The following NOXA1 variants were observed in gnomAD, a reference collection of about 807,000 sequenced individuals.
NOXA1 encodes the protein NCF2-like protein.
A neutral mutation model predicts 64.8 loss-of-function variants in NOXA1; 56 were observed. The ratio of observed to expected loss-of-function variants is 0.86; its 90% confidence interval spans 0.70 to 1.08. The LOEUF is 1.08. Among genes scored for constraint, NOXA1 ranks in the 50% least tolerant of loss-of-function variants. NOXA1 has a pLI of 0.00. For missense variants in NOXA1, 668 were observed against 658.5 expected (o/e 1.01, Z -0.16); for synonymous variants, 295 against 294.8 (o/e 1.00, Z -0.01).
chr9:137,431,149 C>A lies in NOXA1; in HGVS notation c.698+49C>A. ...GCGAGCGCGTGCCTTTCCTGCTGGG[C>A]AGAGGCCCTCCACATGGGGCCACGC... On this transcript the variant is annotated intron_variant, in intron 7 of 13. Transcript: ENST00000683555. This position sits in a 1 kb window ranked among gnomAD's most constrained non-coding sequence, Gnocchi z 5.6. The A allele has an allele frequency of 2.5e-6, 4 of 1,612,262 alleles. No homozygotes were observed. The highest frequency in any genetic ancestry group is 3.4e-6 in the Non-Finnish European group (4 of 1,179,484).
Position 137,430,813 on chromosome 9 carries a change from G to C in NOXA1, c.642G>C (p.Gln214His). 1.3e-6 allele frequency: 2 copies of C among 1,594,082 alleles called. No individual in the cohort carries two copies. The highest frequency in any genetic ancestry group is 1.1e-5 in the South Asian group (1 of 90,202). Residue 214 changes from glutamine (Q) to histidine (H), a missense_variant, in exon 6 of 14, where the codon CAG becomes CAC. Gln to His is a conservative substitution (Grantham distance 24). Coordinates refer to ENST00000683555, the MANE Select transcript of NOXA1 (RefSeq NM_001256067.2). ...KVVASAIPDD[Q>H]GWGVRPQQPQ... The stretch of plus-strand genomic sequence containing the variant: ...TGGCCTCTGCCATCCCCGACGACCA[G>C]GGCTGGGGCGTCCGCCCTCAGCAGC...
At chr9:137,425,478 C>T (rs527702466) in intron 1 of NOXA1, among the ~76,000 whole-genome samples, 234 of 152,254 alleles carry the variant, frequency 1.5e-3, no homozygotes, top group Non-Finnish European at 2.6e-3. Context: ...CTCTACCTCC[C>T]GGGTTCAAGC....
chr9:137,429,212 G>A (rs899297430), intron 4 of NOXA1, 64 bp from the exon 5 acceptor site: 55 of 1,374,680 alleles, frequency 4.0e-5, no homozygotes, highest in Non-Finnish European at 5.3e-5. Context: ...AGGCACAGGG[G>A]CTCTGCGGCT....
Position 137,429,094 on chromosome 9 carries a change from A to G in NOXA1, c.504+78A>G, listed in dbSNP as rs1838973251. The G allele has an allele frequency of 2.8e-6, 4 of 1,448,054 alleles. No homozygotes were observed. The South Asian group carries it at 5.9e-5, about 21-fold the overall frequency. The allele number at this position is 1,448,054 out of a possible 1,614,324, so 89.7% of individuals were successfully genotyped here. A position where few individuals can be genotyped will look rare whatever the true frequency, so the allele number is the denominator to read the frequency against. On this transcript the variant is annotated intron_variant, in intron 4 of 13. Coordinates refer to ENST00000683555, the MANE Select transcript of NOXA1 (RefSeq NM_001256067.2). ...TCAAGACCAATTTCATGAGATGAAGAAGCTTCCGGAGGGAGATGGCCCTAG... is the reference window on the plus strand; with the variant it reads ...TCAAGACCAATTTCATGAGATGAAGGAGCTTCCGGAGGGAGATGGCCCTAG...
chr9:137,428,852 C>T, intron 3 of NOXA1, 30 bp from the exon 4 acceptor site: 1 of 1,548,976 alleles, frequency 6.5e-7, no homozygotes, highest in Non-Finnish European at 8.7e-7. Flanking sequence ...GGGCATCAGG[C>T]CCCTGCCATC....
At chr9:137,426,575 G>T (rs1838855129) in intron 2 of NOXA1, among the ~76,000 whole-genome samples, 2 of 152,130 alleles carry the variant, frequency 1.3e-5, no homozygotes, top group African/African-American at 4.8e-5. Flanking sequence ...CCTTCCTAAA[G>T]GAGGAATGAG....
rs377719415 is a variant in NOXA1, at chr9:137,433,007, C to A, written c.805-22C>A. On this transcript the variant is annotated intron_variant, in intron 8 of 13. Coordinates refer to ENST00000683555, the MANE Select transcript of NOXA1 (RefSeq NM_001256067.2). ...CCAGCACCTGACCGCCCCAGCCCAC[C>A]CAGCCTGTGCTTCTCTTGCAGAGGC... 31 of 1,612,028 alleles carry A rather than the reference C, an allele frequency of 1.9e-5. No homozygotes were observed. In the African/African-American group the frequency reaches 3.1e-4, roughly 16 times the overall value.
intron 8 of NOXA1, among the ~76,000 whole-genome samples, chr9:137,432,249 C>A (rs139022461): frequency 6.8e-6 from 1 of 147,338 alleles, no homozygotes; most frequent in Non-Finnish European, 1.5e-5. Flanking sequence ...CACTCCACTC[C>A]GGCCTGGGCA....
chr9:137,427,093 A>G (rs1470095415), intron 2 of NOXA1, among the ~76,000 whole-genome samples: 5 of 152,240 alleles, frequency 3.3e-5, no homozygotes, highest in African/African-American at 1.2e-4. Context: ...CACCTCGCCC[A>G]GCCTATTTAC....
rs1402623134 is a variant in NOXA1, at chr9:137,425,629, G to A, written c.178-619G>A. On this transcript the variant is annotated intron_variant, in intron 1 of 13. Coordinates refer to ENST00000683555, the MANE Select transcript of NOXA1 (RefSeq NM_001256067.2). ...TCAAACTCCTGACCTCAGGTGATCC[G>A]CCCACCTCAGCTTCCCAACATGCTA... Among the ~76,000 whole-genome samples, 10 of 152,232 alleles carry A rather than the reference G, an allele frequency of 6.6e-5. No individual in the cohort carries two copies. In the East Asian group the frequency reaches 1.9e-3, roughly 29 times the overall value.
intron 1 of NOXA1, among the ~76,000 whole-genome samples, chr9:137,423,966 C>T (rs1253055481): frequency 6.6e-6 from 1 of 152,130 alleles, no homozygotes; most frequent in Non-Finnish European, 1.5e-5. Context: ...CTGGGTCAGG[C>T]CCGAGGGACC....
rs1051845207 is a variant in NOXA1, at chr9:137,430,911, A to G, written c.672+68A>G. ...CTTTCTGGGAAAGAAAATGCTGCAC[A>G]AGCTCTGAGCCCTCCTGGGGCTGCG... On this transcript the variant is annotated intron_variant, in intron 6 of 13. Coordinates refer to ENST00000683555, the MANE Select transcript of NOXA1 (RefSeq NM_001256067.2). The G allele has an allele frequency of 3.2e-6, 5 of 1,547,244 alleles. No homozygotes were observed. In the African/African-American group the frequency reaches 5.5e-5, roughly 17 times the overall value.
At position 137,434,265 on chromosome 9, in the gene NOXA1, G is replaced by A. The variant is rs752690072; in HGVS notation, c.1336G>A (p.Gly446Ser). 6.8e-6 allele frequency: 11 copies of A among 1,611,034 alleles called. No homozygotes were observed. In the Admixed American group the frequency reaches 1.0e-4, roughly 15 times the overall value. Residue 446 changes from glycine (G) to serine (S), a missense_variant, in exon 14 of 14, where the codon GGC becomes AGC. Transcript: ENST00000683555. ...GGAGGGCCACTGTGACGGCCGCATC[G>A]GCATCTTCCCCAAGTGCTTCGTGGT... is the stretch of plus-strand genomic sequence containing the variant. Reference protein sequence around the residue: ...WLEGHCDGRIGIFPKCFVVPA... With the variant: ...WLEGHCDGRISIFPKCFVVPA...
Position 137,433,021 on chromosome 9 carries a change from T to A in NOXA1, c.805-8T>A. The stretch of plus-strand genomic sequence containing the variant: ...CCCCAGCCCACCCAGCCTGTGCTTC[T>A]CTTGCAGAGGCCCCAGGTGGAGCAA... On this transcript the variant is annotated splice_region_variant and splice_polypyrimidine_tract_variant and intron_variant, in intron 8 of 13. Transcript: ENST00000683555. The A allele has an allele frequency of 6.2e-7, 1 of 1,612,500 alleles. No individual in the cohort carries two copies. Among genetic ancestry groups the A allele is most frequent in the Non-Finnish European group, 8.5e-7 (1 of 1,179,822 alleles).
rs761994744 is a variant in NOXA1, at chr9:137,431,035, G to A, written c.673-40G>A. On this transcript the variant is annotated intron_variant, in intron 6 of 13. Transcript: ENST00000683555. This position sits in a 1 kb window ranked among gnomAD's most constrained non-coding sequence, Gnocchi z 5.6. ...TTCAGGAGGAGGGAGGGCGGCCCCC[G>A]ACCCTTAACCAGAGCGAGGTTGTTG... is the stretch of plus-strand genomic sequence containing the variant. The A allele has an allele frequency of 2.5e-5, 41 of 1,612,884 alleles. No homozygotes were observed. Among genetic ancestry groups the A allele is most frequent in the Non-Finnish European group, 3.4e-5 (40 of 1,179,928 alleles).
chr9:137,433,371 G>A (rs1839204300), intron 10 of NOXA1, 82 bp from the exon 11 acceptor site: 4 of 1,511,012 alleles, frequency 2.6e-6, no homozygotes, highest in Non-Finnish European at 3.5e-6. Context: ...CCCAGTCTCT[G>A]TCCACACCCC....
rs981897791 is a variant in NOXA1 at position 137,427,592 on chromosome 9, C to A, written c.261-441C>A. On this transcript the variant is annotated intron_variant, in intron 2 of 13. Coordinates refer to ENST00000683555, the MANE Select transcript of NOXA1 (RefSeq NM_001256067.2). ...CTCTGGGGCAGCCTCTCCTTCACAT[C>A]GGCGCGGGAAGCCCGCCTGGAGGAG... Among the ~76,000 whole-genome samples, 3 of 152,344 alleles carry A rather than the reference C, an allele frequency of 2.0e-5. No individual in the cohort carries two copies. In the East Asian group the frequency reaches 5.8e-4, roughly 29 times the overall value.
chr9:137,423,613 C>T lies in NOXA1; in HGVS notation c.84C>T (p.His28=). Residue 28 remains histidine (H), a synonymous_variant, in exon 1 of 14, where the codon CAC becomes CAT. Coordinates refer to ENST00000683555, the MANE Select transcript of NOXA1 (RefSeq NM_001256067.2). The stretch of plus-strand genomic sequence containing the variant: ...GTGGGGACTGGGCCCGCGCCTTGCA[C>T]CTCTTCTCGGGCGTCCCGGCGCCGC... ...VDRGDWARAL[H]LFSGVPAPPA... 4 of 1,470,614 alleles carry T rather than the reference C, an allele frequency of 2.7e-6. No homozygotes were observed. Among genetic ancestry groups the T allele is most frequent in the Non-Finnish European group, 3.6e-6 (4 of 1,111,848 alleles). 91.1% of individuals were successfully genotyped at this position (1,470,614 alleles called of 1,614,324 possible). A position where few individuals can be genotyped will look rare whatever the true frequency, so the allele number is the denominator to read the frequency against.
intron 4 of NOXA1, 47 bp from the exon 5 acceptor site, chr9:137,429,229 C>G (rs1234754660): frequency 7.0e-7 from 1 of 1,420,646 alleles, no homozygotes; most frequent in Admixed American, 2.3e-5. Context: ...GGCTGCAGGC[C>G]TGGTTGGTCA....
Sources: allele counts gnomAD v4.1 joint callset (sites outside exome capture counted in the v4.1 genomes callset), GRCh38; gene constraint gnomAD v4.1.1; non-coding constraint Gnocchi (gnomAD v3.1); transcripts MANE v1.5; gene names NCBI Gene and HGNC (gene_info 2026-07-23, HGNC 2026-07-21).